ZNF280D: variants seen among roughly 807,000 people sequenced by gnomAD.
The protein encoded by ZNF280D is zinc finger protein 280D.
A neutral mutation model predicts 94.7 loss-of-function variants in ZNF280D; 39 were observed. The observed-to-expected ratio is 0.41, with a 90% CI of 0.32 to 0.54. ZNF280D has a LOEUF of 0.54. ZNF280D is among the 20% of genes least tolerant of loss of function. The probability of loss-of-function intolerance (pLI) is 0.22; values close to 1 mark genes in which losing one functional copy is unlikely to be tolerated. For missense variants in ZNF280D, 1,090 were observed against 1,149.3 expected (o/e 0.95, Z 0.75); for synonymous variants, 398 against 377.6 (o/e 1.05, Z -0.63).
At chr15:56,673,203 C>T (rs1202913125) in intron 13 of ZNF280D, among the ~76,000 whole-genome samples, 1 of 151,910 alleles carries the variant, frequency 6.6e-6, no homozygotes, top group Non-Finnish European at 1.5e-5. Context: ...TGCTTGATGT[C>T]TAATACGCTT....
chr15:56,719,453 G>A (rs900984810), intron 1 of ZNF280D, among the ~76,000 whole-genome samples: 1 of 152,060 alleles, frequency 6.6e-6, no homozygotes, highest in Admixed American at 6.6e-5. Flanking sequence ...TCTGCCATGA[G>A]TGGATGCAGC....
chr15:56,645,901 G>C (rs1258269909), intron 19 of ZNF280D, among the ~76,000 whole-genome samples: 1 of 152,022 alleles, frequency 6.6e-6, no homozygotes, highest in African/African-American at 2.4e-5. Flanking sequence ...TTCCTTTGAG[G>C]TTTCATTCAC....
chr15:56,693,210 A>T lies in ZNF280D; in HGVS notation c.387T>A (p.Tyr129Ter). 6.5e-7 allele frequency: 1 copy of T among 1,538,778 alleles called. No homozygotes were observed. The highest frequency in any genetic ancestry group is 8.8e-7 in the Non-Finnish European group (1 of 1,133,792). Residue 129 changes from tyrosine to a stop codon, truncating the protein, a stop_gained, in exon 7 of 22, where the codon TAT becomes TAA. Transcript: ENST00000267807. LOFTEE classifies it high-confidence loss of function. ...VIVQPFSKPG[Y>*]ITNSSRVVSN... ...ACACAACTCGTGATGAGTTTGTTAT[A>T]TAACCCTGTTAAATAGTTCAAAGGA...
chr15:56,689,067 A>G lies in ZNF280D; in HGVS notation c.754T>C (p.Leu252=). Residue 252 remains leucine (L), a synonymous_variant, in exon 9 of 22, where the codon TTG becomes CTG. Coordinates refer to ENST00000267807, the MANE Select transcript of ZNF280D (RefSeq NM_017661.4). ...TTCATGTGATTTTTCAAAGGATCCAAAAGATTGAAATGAATGTTGCACTTT... is the reference window on the plus strand; with the variant it reads ...TTCATGTGATTTTTCAAAGGATCCAGAAGATTGAAATGAATGTTGCACTTT... ...CPKCNIHFNL[L]DPLKNHMKYC... is the part of the protein sequence containing the mutation. 1 of 1,606,884 alleles carries G rather than the reference A, an allele frequency of 6.2e-7. No individual in the cohort carries two copies. Among genetic ancestry groups the G allele is most frequent in the Non-Finnish European group, 8.5e-7 (1 of 1,177,524 alleles).
rs867658265 is a variant in ZNF280D at position 56,721,442 on chromosome 15, A to G, written c.-86+12016T>C. 5.3e-5 allele frequency among the ~76,000 whole-genome samples: 8 copies of G among 152,348 alleles called. No individual in the cohort carries two copies. In the South Asian group the frequency reaches 1.7e-3, roughly 32 times the overall value. ...TCTAGCTATGAAAGTCCTAGATGGT[A>G]TCTTCTTCCAATAAATAGAAGTCTA... On this transcript the variant is annotated intron_variant, in intron 1 of 21. Coordinates refer to ENST00000267807, the MANE Select transcript of ZNF280D (RefSeq NM_017661.4).
intron 1 of ZNF280D, among the ~76,000 whole-genome samples, chr15:56,727,362 G>C (rs1355103332): frequency 6.6e-6 from 1 of 152,226 alleles, no homozygotes; most frequent in Non-Finnish European, 1.5e-5. Context: ...GGGAGGCTGA[G>C]GCAGGAGAAT....
intron 10 of ZNF280D, among the ~76,000 whole-genome samples, chr15:56,679,501 C>T (rs1041334396): frequency 1.3e-5 from 2 of 152,188 alleles, no homozygotes; most frequent in African/African-American, 4.8e-5. Flanking sequence ...AGGCAACATA[C>T]ATTTTTCAGT....
At chr15:56,685,468 G>C (rs1364668051) in intron 9 of ZNF280D, among the ~76,000 whole-genome samples, 1 of 152,150 alleles carries the variant, frequency 6.6e-6, no homozygotes, top group Non-Finnish European at 1.5e-5. Context: ...AAGGTGAAGA[G>C]TTCATAGATT....
intron 1 of ZNF280D, among the ~76,000 whole-genome samples, chr15:56,732,337 C>T (rs1311485754): frequency 6.6e-6 from 1 of 152,130 alleles, no homozygotes; most frequent in African/African-American, 2.4e-5. Flanking sequence ...ACAATTACAA[C>T]AGTATTTGTA....
At chr15:56,680,974 C>A (rs775995623) in intron 10 of ZNF280D, among the ~76,000 whole-genome samples, 2 of 152,192 alleles carry the variant, frequency 1.3e-5, no homozygotes, top group African/African-American at 4.8e-5. Context: ...TCTACTGCAA[C>A]ACTGTTTCAA....
chr15:56,647,475 A>G (rs2052960032), intron 19 of ZNF280D, among the ~76,000 whole-genome samples: 1 of 152,136 alleles, frequency 6.6e-6, no homozygotes. Flanking sequence ...AATATTTACC[A>G]CTCAGACCTG....
At chr15:56,640,718 C>T (rs1363521869) in intron 20 of ZNF280D, among the ~76,000 whole-genome samples, 1 of 152,092 alleles carries the variant, frequency 6.6e-6, no homozygotes, top group African/African-American at 2.4e-5. Context: ...CAGTAAGCTT[C>T]ATTTGCAGGA....
chr15:56,731,416 T>A (rs936253102), intron 1 of ZNF280D, among the ~76,000 whole-genome samples: 98 of 145,156 alleles, frequency 6.8e-4, no homozygotes, highest in Non-Finnish European at 3.3e-4. Flanking sequence ...GGTGGGAGGA[T>A]GGCTTGAGCC....
intron 10 of ZNF280D, among the ~76,000 whole-genome samples, chr15:56,681,467 G>A (rs1368115860): frequency 6.6e-6 from 1 of 152,164 alleles, no homozygotes; most frequent in African/African-American, 2.4e-5. Context: ...AGGTGGTTAA[G>A]TGTACAAGGG....
At chr15:56,677,260 A>G (rs928975061) in intron 12 of ZNF280D, among the ~76,000 whole-genome samples, 4 of 152,176 alleles carry the variant, frequency 2.6e-5, no homozygotes, top group Non-Finnish European at 5.9e-5. Flanking sequence ...ACTTTTGCCA[A>G]AGCATTTGGT....
intron 8 of ZNF280D, 62 bp from the exon 9 acceptor site, chr15:56,689,212 C>A: frequency 6.4e-7 from 1 of 1,551,854 alleles, no homozygotes. Context: ...TAAATAACCA[C>A]TAATAATACT....
intron 1 of ZNF280D, chr15:56,732,696 C>T (rs1276230041): frequency 1.6e-4 from 24 of 152,130 alleles, no homozygotes; most frequent in African/African-American, 5.6e-4. Context: ...CGTTTTTCCT[C>T]TCCAGCAGAT....
chr15:56,704,652 T>C (rs1369965447), intron 3 of ZNF280D, among the ~76,000 whole-genome samples: 2 of 151,904 alleles, frequency 1.3e-5, no homozygotes, highest in African/African-American at 4.8e-5. Context: ...AGGCAACAGG[T>C]GGGAGATAAA....
chr15:56,637,988 T>TAA (rs1350939992), intron 20 of ZNF280D, among the ~76,000 whole-genome samples: 1 of 152,178 alleles, frequency 6.6e-6, no homozygotes, highest in Non-Finnish European at 1.5e-5. Flanking sequence ...GAGTTGTACT[T>TAA]AACCACATTT....
Sources: allele counts gnomAD v4.1 joint callset (sites outside exome capture counted in the v4.1 genomes callset), GRCh38; gene constraint gnomAD v4.1.1; transcripts MANE v1.5; gene names NCBI Gene and HGNC (gene_info 2026-07-23, HGNC 2026-07-21).